The following FAM13A variants were observed in gnomAD, a reference collection of about 807,000 sequenced individuals.
The protein encoded by FAM13A is family with sequence similarity 13 member A, also known as protein FAM13A.
A neutral mutation model predicts 129.6 loss-of-function variants in FAM13A; 76 were observed. The observed-to-expected ratio is 0.59, with a 90% CI of 0.49 to 0.71. The LOEUF (loss-of-function observed/expected upper bound fraction) is 0.71. FAM13A is among the 30% of genes least tolerant of loss of function. The pLI is 0.00. For synonymous variants in FAM13A, 443 were observed against 449.9 expected, an observed-to-expected ratio of 0.98 and a Z score of 0.20; for missense variants, 1,108 against 1,249.3, an observed-to-expected ratio of 0.89 and a Z score of 1.70.
intron 23 of FAM13A, chr4:88,729,872 T>C (rs985776775): frequency 1.3e-5 from 2 of 152,226 alleles, no homozygotes; most frequent in Non-Finnish European, 2.9e-5. Flanking sequence ...ACTGGAAAGA[T>C]ACACGTCAAA....
chr4:88,740,625 G>A (rs1279073483), intron 19 of FAM13A, among the ~76,000 whole-genome samples: 2 of 152,206 alleles, frequency 1.3e-5, no homozygotes, highest in East Asian at 1.9e-4. Flanking sequence ...GGCAAGTAGC[G>A]TTAGCTTTGA....
intron 10 of FAM13A, among the ~76,000 whole-genome samples, chr4:88,787,429 C>T (rs992659231): frequency 2.0e-5 from 3 of 152,064 alleles, no homozygotes; most frequent in African/African-American, 7.2e-5. Flanking sequence ...TCTGGACAAG[C>T]ATATGGTAAC....
At chr4:88,944,001 C>A (rs1015743167) in intron 4 of FAM13A, among the ~76,000 whole-genome samples, 1 of 152,160 alleles carries the variant, frequency 6.6e-6, no homozygotes, top group Non-Finnish European at 1.5e-5. Flanking sequence ...CTACCTGACA[C>A]CTCTGAAATT....
At chr4:88,817,143 G>T (rs1352581144) in intron 7 of FAM13A, among the ~76,000 whole-genome samples, 1 of 152,118 alleles carries the variant, frequency 6.6e-6, no homozygotes, top group Admixed American at 6.6e-5. Flanking sequence ...GATTACCTAT[G>T]ATATGATTAC....
rs569239380 is a variant in FAM13A at position 88,832,778 on chromosome 4, G to A, written c.1007+18242C>T. On this transcript the variant is annotated intron_variant, in intron 7 of 23. Transcript: ENST00000264344. ...GAAAAAGGAACACTTTTACACTGTT[G>A]GTGGAAATGTAAACTAGTTCAACCA... Among the ~76,000 whole-genome samples the A allele has an allele frequency of 2.3e-3, 357 of 152,290 alleles. 3 individuals carry two copies. Among genetic ancestry groups the A allele is most frequent in the African/African-American group, 8.2e-3 (339 of 41,558 alleles).
intron 5 of FAM13A, among the ~76,000 whole-genome samples, chr4:88,920,547 C>A (rs1346062187): frequency 6.6e-6 from 1 of 152,174 alleles, no homozygotes; most frequent in African/African-American, 2.4e-5. Flanking sequence ...AAAAACCCAT[C>A]TGTACATCGC....
At chr4:88,927,402 A>G (rs761457593) in intron 5 of FAM13A, among the ~76,000 whole-genome samples, 9 of 150,518 alleles carry the variant, frequency 6.0e-5, no homozygotes, top group Non-Finnish European at 1.3e-4. Context: ...GAACAGGGAT[A>G]ATTTGACTTA....
intron 7 of FAM13A, among the ~76,000 whole-genome samples, chr4:88,836,099 T>C (rs1205506797): frequency 1.3e-5 from 2 of 152,172 alleles, no homozygotes; most frequent in Non-Finnish European, 2.9e-5. Flanking sequence ...TCCCATTGCT[T>C]CCATATCCAG....
At chr4:88,767,349 A>C (rs1222957159) in intron 13 of FAM13A, among the ~76,000 whole-genome samples, 1 of 152,256 alleles carries the variant, frequency 6.6e-6, no homozygotes, top group Non-Finnish European at 1.5e-5. Context: ...CATCATAAGC[A>C]AAACAAAATA....
chr4:88,967,256 G>A (rs1314336029), intron 4 of FAM13A, among the ~76,000 whole-genome samples: 4 of 152,186 alleles, frequency 2.6e-5, no homozygotes, highest in African/African-American at 9.7e-5. Flanking sequence ...AGAGCAGGCA[G>A]TACGTCTCTC....
chr4:88,757,216 TGAGA>T (rs1375499854), intron 14 of FAM13A, among the ~76,000 whole-genome samples: 2 of 152,162 alleles, frequency 1.3e-5, no homozygotes, highest in Non-Finnish European at 2.9e-5. Flanking sequence ...TTTAAGTGGC[TGAGA>T]GAGATGATAA....
chr4:88,928,612 A>T (rs887385151), intron 5 of FAM13A, among the ~76,000 whole-genome samples: 20 of 152,098 alleles, frequency 1.3e-4, no homozygotes, highest in African/African-American at 4.8e-4. Context: ...ATATAAGTAT[A>T]GCTACTCCTG....
intron 6 of FAM13A, among the ~76,000 whole-genome samples, chr4:88,859,051 G>C (rs944300563): frequency 1.3e-5 from 2 of 152,144 alleles, no homozygotes; most frequent in Non-Finnish European, 2.9e-5. Context: ...AAAAAAAGAG[G>C]AAGTGAAAAC....
intron 7 of FAM13A, among the ~76,000 whole-genome samples, chr4:88,813,756 G>C (rs1730118252): frequency 6.6e-6 from 1 of 152,108 alleles, no homozygotes; most frequent in Non-Finnish European, 1.5e-5. Context: ...AATGGGTCAA[G>C]GCTTGTTTCT....
At chr4:88,948,004 TA>T (rs1185481290) in intron 4 of FAM13A, among the ~76,000 whole-genome samples, 3 of 152,248 alleles carry the variant, frequency 2.0e-5, no homozygotes, top group African/African-American at 7.2e-5. Flanking sequence ...GAAAAAAGTC[TA>T]AAAACGCTCT....
intron 5 of FAM13A, among the ~76,000 whole-genome samples, chr4:88,923,913 A>G (rs1159737420): frequency 3.9e-5 from 6 of 152,026 alleles, no homozygotes; most frequent in Non-Finnish European, 5.9e-5. Flanking sequence ...CCAGTAACAG[A>G]CAAACAGAGA....
intron 6 of FAM13A, among the ~76,000 whole-genome samples, chr4:88,904,472 T>C (rs1747813127): frequency 6.6e-6 from 1 of 152,122 alleles, no homozygotes; most frequent in Admixed American, 6.6e-5. Context: ...TTCTAGGACA[T>C]GGATGGAGCT....
chr4:88,911,182 C>T (rs781014936), intron 5 of FAM13A, among the ~76,000 whole-genome samples: 23 of 152,168 alleles, frequency 1.5e-4, no homozygotes, highest in African/African-American at 3.1e-4. Context: ...TATGATCCTT[C>T]GTTCTCTTGC....
At chr4:88,873,279 T>C (rs1274541716) in intron 6 of FAM13A, among the ~76,000 whole-genome samples, 4 of 151,732 alleles carry the variant, frequency 2.6e-5, no homozygotes, top group Non-Finnish European at 5.9e-5. Context: ...AGGCAAGAAA[T>C]AACTAAAATC....
Sources: allele counts gnomAD v4.1 joint callset (sites outside exome capture counted in the v4.1 genomes callset), GRCh38; gene constraint gnomAD v4.1.1; transcripts MANE v1.5; gene names NCBI Gene and HGNC (gene_info 2026-07-23, HGNC 2026-07-21).